Variants in RBFOX1 observed in about 807,000 individuals in gnomAD.
RBFOX1 encodes RNA binding fox-1 homolog 1.
RBFOX1 carries 8 observed loss-of-function variants against 57.7 expected under a neutral mutation model. The observed-to-expected ratio is 0.14, with a 90% CI of 0.08 to 0.25. RBFOX1 has a LOEUF of 0.25. Ranked by LOEUF, RBFOX1 falls within the 10% of genes least tolerant of loss-of-function variation. The pLI is 1.00. For missense variants in RBFOX1, 611 were observed against 548.5 expected (o/e 1.11, Z -1.14); for synonymous variants, 326 against 222.4 (o/e 1.47, Z -4.15).
chr16:7,354,538 C>G (rs532235477), intron 4 of RBFOX1, among the ~76,000 whole-genome samples: 2 of 152,158 alleles, frequency 1.3e-5, no homozygotes, highest in African/African-American at 4.8e-5. Flanking sequence ...AAACTACTTC[C>G]TAAAACCTTC....
intron 2 of RBFOX1, among the ~76,000 whole-genome samples, chr16:6,567,903 C>A (rs2097289855): frequency 6.6e-6 from 1 of 152,142 alleles, no homozygotes; most frequent in African/African-American, 2.4e-5. Flanking sequence ...TTGCTGGAGC[C>A]TTGAACTGCC....
In RBFOX1 at chr16:6,183,349, A is replaced by G. The variant is rs941588865; in HGVS notation, c.-126-133646A>G. ...CAAAAAATTAGCCAGGTGCGGTGCC[A>G]TACTCCTGTAATCCCAGCTACTCTG... On this transcript the variant is annotated intron_variant, in intron 1 of 15. Transcript: ENST00000550418. Among the ~76,000 whole-genome samples, 7 of 151,920 alleles carry G rather than the reference A, an allele frequency of 4.6e-5. No homozygotes were observed. In the East Asian group the frequency reaches 5.8e-4, roughly 13 times the overall value.
chr16:7,179,041 T>C (rs910835521), intron 4 of RBFOX1, among the ~76,000 whole-genome samples: 1 of 152,180 alleles, frequency 6.6e-6, no homozygotes, highest in Non-Finnish European at 1.5e-5. Context: ...GTTCTGCTTT[T>C]ATTTTTATGG....
chr16:5,834,722 G>C (rs62014137), intron 3 of RBFOX1, among the ~76,000 whole-genome samples: 4 of 133,646 alleles, frequency 3.0e-5, no homozygotes, highest in Admixed American at 7.6e-5. Context: ...TAGATACATA[G>C]ATACATAGAT....
intron 3 of RBFOX1, among the ~76,000 whole-genome samples, chr16:7,007,140 C>G (rs548652683): frequency 6.6e-6 from 1 of 152,316 alleles, no homozygotes; most frequent in East Asian, 1.9e-4. Flanking sequence ...AGTCCATTTT[C>G]AAACTCCTTC....
At chr16:5,293,635 G>A (rs2063588650) in intron 1 of RBFOX1, among the ~76,000 whole-genome samples, 1 of 152,104 alleles carries the variant, frequency 6.6e-6, no homozygotes, top group African/African-American at 2.4e-5. Flanking sequence ...TGGCCATTTT[G>A]GTGATTGCTA....
intron 4 of RBFOX1, among the ~76,000 whole-genome samples, chr16:7,488,810 C>A (rs1022922658): frequency 6.6e-6 from 1 of 152,100 alleles, no homozygotes; most frequent in African/African-American, 2.4e-5. Context: ...ATTAATCTAT[C>A]CATCCATCTA....
At chr16:6,371,036 C>G (rs142251101) in intron 2 of RBFOX1, among the ~76,000 whole-genome samples, 2 of 152,254 alleles carry the variant, frequency 1.3e-5, no homozygotes, top group Non-Finnish European at 2.9e-5. Flanking sequence ...TAATAATGTC[C>G]TGTTTTTCCC....
chr16:7,157,709 C>T (rs181850543), intron 4 of RBFOX1, among the ~76,000 whole-genome samples: 1 of 152,276 alleles, frequency 6.6e-6, no homozygotes, highest in African/African-American at 2.4e-5. Context: ...CCACGCATCA[C>T]CTCATTTTGT....
chr16:6,760,892 A>C (rs994605300), intron 3 of RBFOX1, among the ~76,000 whole-genome samples: 1 of 152,138 alleles, frequency 6.6e-6, no homozygotes, highest in African/African-American at 2.4e-5. Flanking sequence ...TTGGACTCTA[A>C]TGGATAGATC....
chr16:6,787,010 T>C (rs2082080245), intron 3 of RBFOX1, among the ~76,000 whole-genome samples: 1 of 152,132 alleles, frequency 6.6e-6, no homozygotes, highest in Non-Finnish European at 1.5e-5. Context: ...ACTTCCTGCT[T>C]TGGGGTTCAG....
intron 4 of RBFOX1, among the ~76,000 whole-genome samples, chr16:7,346,542 C>T (rs1334055144): frequency 6.6e-6 from 1 of 151,914 alleles, no homozygotes; most frequent in Non-Finnish European, 1.5e-5. Flanking sequence ...AAGCCACTGC[C>T]CTCCTGTGTA....
chr16:5,605,923 C>G (rs76507451), intron 3 of RBFOX1, among the ~76,000 whole-genome samples: 5,858 of 152,220 alleles, frequency 0.038, 251 homozygotes, highest in African/African-American at 0.11. Context: ...TAGCAGCCAT[C>G]ATGGAACCCA....
At chr16:5,875,990 C>T (rs994480439) in intron 4 of RBFOX1, among the ~76,000 whole-genome samples, 12 of 151,906 alleles carry the variant, frequency 7.9e-5, no homozygotes, top group African/African-American at 1.9e-4. Context: ...ACTACAGGCC[C>T]CCGACAGCAC....
At chr16:7,631,923 G>A (rs763540444) in intron 11 of RBFOX1, among the ~76,000 whole-genome samples, 1 of 152,090 alleles carries the variant, frequency 6.6e-6, no homozygotes, top group Non-Finnish European at 1.5e-5. Flanking sequence ...ACAGTTAGAG[G>A]TTTTGAGACA....
chr16:5,304,086 T>C (rs1596463339), intron 1 of RBFOX1, among the ~76,000 whole-genome samples: 1 of 152,202 alleles, frequency 6.6e-6, no homozygotes, highest in Non-Finnish European at 1.5e-5. Flanking sequence ...CTGACAAATC[T>C]CCAAAGGAAT....
intron 3 of RBFOX1, among the ~76,000 whole-genome samples, chr16:6,891,944 A>C (rs989937896): frequency 6.6e-6 from 1 of 152,134 alleles, no homozygotes; most frequent in African/African-American, 2.4e-5. Flanking sequence ...TCTGAGAAGG[A>C]GCTGTGGCTG....
intron 4 of RBFOX1, among the ~76,000 whole-genome samples, chr16:7,053,249 T>C (rs752782391): frequency 2.5e-4 from 38 of 152,200 alleles, no homozygotes; most frequent in Non-Finnish European, 5.0e-4. Flanking sequence ...TTCTGTTTCT[T>C]TTATGCATAT....
At chr16:5,474,527 A>C (rs1276049890) in intron 2 of RBFOX1, among the ~76,000 whole-genome samples, 1 of 152,008 alleles carries the variant, frequency 6.6e-6, no homozygotes, top group Non-Finnish European at 1.5e-5. Context: ...GGTGGTGGGC[A>C]CCTGTAATCC....
Sources: allele counts gnomAD v4.1 joint callset (sites outside exome capture counted in the v4.1 genomes callset), GRCh38; gene constraint gnomAD v4.1.1; transcripts MANE v1.5; gene names NCBI Gene and HGNC (gene_info 2026-07-23, HGNC 2026-07-21).